The following MYT1L variants were observed in gnomAD, a reference collection of about 807,000 sequenced individuals.
MYT1L encodes the protein myelin transcription factor 1-like protein.
A neutral mutation model predicts 126.7 loss-of-function variants in MYT1L; 12 were observed. That is an observed-to-expected ratio of 0.09 (90% CI 0.06 to 0.15). The LOEUF is 0.15. Ranked by LOEUF, MYT1L falls within the 10% of genes least tolerant of loss-of-function variation. MYT1L has a pLI of 1.00. For missense variants in MYT1L, 979 were observed against 1,585.2 expected, an observed-to-expected ratio of 0.62 and a Z score of 6.49; for synonymous variants, 541 against 604.2, an observed-to-expected ratio of 0.90 and a Z score of 1.53.
At chr2:1,950,125 T>C (rs2057610066) in intron 8 of MYT1L, among the ~76,000 whole-genome samples, 1 of 150,376 alleles carries the variant, frequency 6.6e-6, no homozygotes, top group Admixed American at 6.6e-5. Flanking sequence ...ATTCCTAACT[T>C]TGAGGGACAG....
intron 2 of MYT1L, among the ~76,000 whole-genome samples, chr2:2,174,781 G>A (rs1436463277): frequency 6.6e-6 from 1 of 152,042 alleles, no homozygotes; most frequent in Non-Finnish European, 1.5e-5. Flanking sequence ...TGATTGTATG[G>A]ACTGTCATTA....
chr2:2,165,919 T>C (rs563459936), intron 3 of MYT1L, among the ~76,000 whole-genome samples: 28 of 151,482 alleles, frequency 1.8e-4, no homozygotes, highest in African/African-American at 6.1e-4. Context: ...ATAAAATCTT[T>C]TATTTTTCTA....
At chr2:2,204,873 C>A (rs1007948365) in intron 2 of MYT1L, among the ~76,000 whole-genome samples, 12 of 152,024 alleles carry the variant, frequency 7.9e-5, no homozygotes, top group African/African-American at 2.4e-4. Context: ...AAATGTCCAA[C>A]AATGATAGAC....
In MYT1L at chr2:1,806,618, G is replaced by A. The variant is rs2147962373; in HGVS notation, c.3172+2458C>T. ...CCTTGTGTGCAGCAGTAATAGGAATGTCTAGTGCCCTCAATGCCGACTCAG... is the reference window on the plus strand; with the variant it reads ...CCTTGTGTGCAGCAGTAATAGGAATATCTAGTGCCCTCAATGCCGACTCAG... On this transcript the variant is annotated intron_variant, in intron 22 of 24. Transcript: ENST00000647738. The surrounding 1 kb of genome is among the most constrained non-coding windows in gnomAD (Gnocchi z 4.9). 6.6e-6 allele frequency among the ~76,000 whole-genome samples: 1 copy of A among 152,322 alleles called. No homozygotes were observed. The highest frequency in any genetic ancestry group is 1.9e-4 in the East Asian group (1 of 5,182).
chr2:1,897,461 TTTG>T (rs1388657862), intron 14 of MYT1L, among the ~76,000 whole-genome samples: 27 of 151,592 alleles, frequency 1.8e-4, no homozygotes, highest in African/African-American at 6.3e-4. Flanking sequence ...TTTTTTTTTT[TTTG>T]TTTGTTTGTT....
At chr2:2,221,275 A>G (rs1253180825) in intron 2 of MYT1L, among the ~76,000 whole-genome samples, 1 of 151,908 alleles carries the variant, frequency 6.6e-6, no homozygotes, top group Non-Finnish European at 1.5e-5. Flanking sequence ...TAGTCTGGGC[A>G]CCTCTTGGAG....
At chr2:1,963,326 T>G (rs1456998677) in intron 8 of MYT1L, among the ~76,000 whole-genome samples, 2 of 152,276 alleles carry the variant, frequency 1.3e-5, no homozygotes, top group African/African-American at 4.8e-5. Context: ...TCATCCAGGC[T>G]TTGTTCTTTT....
intron 2 of MYT1L, among the ~76,000 whole-genome samples, chr2:2,255,149 T>G (rs1454394922): frequency 1.3e-5 from 2 of 152,206 alleles, no homozygotes; most frequent in African/African-American, 4.8e-5. Flanking sequence ...TTTAAATGTT[T>G]TGTTTTCCTA....
At chr2:2,253,836 G>A (rs2094729098) in intron 2 of MYT1L, among the ~76,000 whole-genome samples, 1 of 151,030 alleles carries the variant, frequency 6.6e-6, no homozygotes, top group Non-Finnish European at 1.5e-5. Context: ...GGAATTTCCC[G>A]GAAACAATCA....
At chr2:2,123,166 T>C (rs767523686) in intron 3 of MYT1L, among the ~76,000 whole-genome samples, 10 of 152,172 alleles carry the variant, frequency 6.6e-5, no homozygotes, top group Non-Finnish European at 1.5e-4. Context: ...TCAGGCTATG[T>C]TGGGTTACCC....
rs373276845 is a variant in MYT1L at position 2,116,350 on chromosome 2, G to T, written c.-304+56522C>A. Among the ~76,000 whole-genome samples the T allele has an allele frequency of 2.6e-5, 4 of 152,188 alleles. No individual in the cohort carries two copies. In the South Asian group the frequency reaches 6.2e-4, roughly 24 times the overall value. ...CCATGCTGAGTCGTCAAATACAGAT[G>T]TTCTTCCCAACCTGCATTCTTGCCT... On this transcript the variant is annotated intron_variant, in intron 3 of 24. Transcript: ENST00000647738.
chr2:1,957,020 G>A (rs1200119148), intron 8 of MYT1L, among the ~76,000 whole-genome samples: 1 of 152,222 alleles, frequency 6.6e-6, no homozygotes, highest in African/African-American at 2.4e-5. Flanking sequence ...AGGGCCATGA[G>A]GATGCCTCAT....
chr2:2,086,827 G>A (rs2150355729), intron 3 of MYT1L, among the ~76,000 whole-genome samples: 1 of 152,234 alleles, frequency 6.6e-6, no homozygotes, highest in Middle Eastern at 3.4e-3. Flanking sequence ...TTTTCCTCCT[G>A]AAGTTCTTAT....
intron 2 of MYT1L, among the ~76,000 whole-genome samples, chr2:2,198,006 T>C (rs1205741493): frequency 1.3e-5 from 2 of 151,398 alleles, no homozygotes; most frequent in African/African-American, 2.4e-5. Context: ...TGCACACACA[T>C]ACACAATGAA....
At chr2:2,165,053 T>G (rs770902545) in intron 3 of MYT1L, among the ~76,000 whole-genome samples, 1 of 152,134 alleles carries the variant, frequency 6.6e-6, no homozygotes, top group Non-Finnish European at 1.5e-5. Flanking sequence ...CTTTCCTGGA[T>G]GAGTCTCTGC....
chr2:2,211,187 A>G (rs991754108), intron 2 of MYT1L, among the ~76,000 whole-genome samples: 1 of 152,198 alleles, frequency 6.6e-6, no homozygotes, highest in Non-Finnish European at 1.5e-5. Flanking sequence ...TTGCTTATGC[A>G]TGTTTGATTA....
chr2:1,908,283 A>C (rs2051382275), intron 13 of MYT1L, among the ~76,000 whole-genome samples: 1 of 152,262 alleles, frequency 6.6e-6, no homozygotes, highest in South Asian at 2.1e-4. Flanking sequence ...AATTACATGC[A>C]TGCCTGGTCT....
At chr2:2,220,322 G>A (rs1177444343) in intron 2 of MYT1L, among the ~76,000 whole-genome samples, 1 of 152,134 alleles carries the variant, frequency 6.6e-6, no homozygotes, top group Non-Finnish European at 1.5e-5. Context: ...CTCCAAGGGG[G>A]TTTGGTGGGG....
At chr2:2,092,604 C>T (rs767069897) in intron 3 of MYT1L, among the ~76,000 whole-genome samples, 6 of 150,834 alleles carry the variant, frequency 4.0e-5, no homozygotes, top group African/African-American at 4.8e-5. Context: ...AAAACATACA[C>T]GATCCGTGAA....
Sources: allele counts gnomAD v4.1 joint callset (sites outside exome capture counted in the v4.1 genomes callset), GRCh38; gene constraint gnomAD v4.1.1; non-coding constraint Gnocchi (gnomAD v3.1); transcripts MANE v1.5; gene names NCBI Gene and HGNC (gene_info 2026-07-23, HGNC 2026-07-21).